CNTN5: variants seen among roughly 807,000 people sequenced by gnomAD.
CNTN5 encodes the protein contactin 5.
A neutral mutation model predicts 129.1 loss-of-function variants in CNTN5; 77 were observed. That is an observed-to-expected ratio of 0.60 (90% CI 0.50 to 0.72). The LOEUF (loss-of-function observed/expected upper bound fraction) is 0.72. Among genes scored for constraint, CNTN5 ranks in the 30% least tolerant of loss-of-function variants. The pLI, the probability that CNTN5 is intolerant of heterozygous loss-of-function variation, is 0.00. For missense variants in CNTN5, 1,478 were observed against 1,328.8 expected, an observed-to-expected ratio of 1.11 and a Z score of -1.75; for synonymous variants, 509 against 465.6, an observed-to-expected ratio of 1.09 and a Z score of -1.20.
At chr11:100,061,173 T>C in intron 9 of CNTN5, 39 bp from the exon 10 acceptor site, 1 of 1,497,952 alleles carries the variant, frequency 6.7e-7, no homozygotes. Context: ...TTCCTAACAG[T>C]GGAGAGTGTA....
intron 3 of CNTN5, among the ~76,000 whole-genome samples, chr11:99,584,836 G>T (rs1015253890): frequency 6.6e-6 from 1 of 152,188 alleles, no homozygotes; most frequent in African/African-American, 2.4e-5. Context: ...TTGAAAGAAA[G>T]AACAACAGAC....
chr11:99,081,716 C>A (rs1276662246), intron 1 of CNTN5, among the ~76,000 whole-genome samples: 1 of 152,072 alleles, frequency 6.6e-6, no homozygotes, highest in African/African-American at 2.4e-5. Context: ...TACCTTCTGT[C>A]TTAAGAACAA....
chr11:99,139,556 G>A (rs4237595), intron 1 of CNTN5, among the ~76,000 whole-genome samples: 138,543 of 152,246 alleles, frequency 0.91, 63,307 homozygotes, highest in East Asian at 0.99. Flanking sequence ...TAAAGAGCAT[G>A]TTAATAGCAC....
chr11:99,693,603 C>CAATAGAGG (rs1348700068), intron 3 of CNTN5, among the ~76,000 whole-genome samples: 5 of 151,686 alleles, frequency 3.3e-5, no homozygotes, highest in Admixed American at 3.3e-4. Context: ...AGAGCTGGGA[C>CAATAGAGG]AATAGAGGAT....
intron 10 of CNTN5, 145 bp from the exon 11 acceptor site, chr11:100,070,279 A>C (rs1025801029): frequency 1.5e-6 from 1 of 663,940 alleles, no homozygotes; most frequent in Non-Finnish European, 2.4e-6. Context: ...TTTTGTGTGT[A>C]ACGCAATGCT....
At chr11:100,277,999 T>A (rs1950552169) in intron 18 of CNTN5, among the ~76,000 whole-genome samples, 1 of 152,070 alleles carries the variant, frequency 6.6e-6, no homozygotes, top group South Asian at 2.1e-4. Flanking sequence ...TGGCAAGGTA[T>A]AAGAGTCTAG....
chr11:99,254,588 C>A (rs1862282081), intron 1 of CNTN5, among the ~76,000 whole-genome samples: 2 of 151,736 alleles, frequency 1.3e-5, no homozygotes. Flanking sequence ...TATATTTGTC[C>A]CAGATTCCTT....
chr11:100,037,892 A>T (rs1942119689), intron 9 of CNTN5, among the ~76,000 whole-genome samples: 1 of 151,568 alleles, frequency 6.6e-6, no homozygotes, highest in Admixed American at 6.6e-5. Flanking sequence ...GCGGTCTATC[A>T]ATTTTGTTGA....
intron 9 of CNTN5, among the ~76,000 whole-genome samples, chr11:100,045,666 C>T (rs1353306976): frequency 1.3e-5 from 2 of 149,716 alleles, no homozygotes; most frequent in African/African-American, 2.5e-5. Flanking sequence ...AACCAGTGGT[C>T]GGTGGGAAAA....
intron 1 of CNTN5, among the ~76,000 whole-genome samples, chr11:99,156,353 A>G (rs1293791332): frequency 6.6e-6 from 1 of 152,062 alleles, no homozygotes; most frequent in Non-Finnish European, 1.5e-5. Flanking sequence ...AATTAAAACA[A>G]TAATTGGATT....
intron 3 of CNTN5, among the ~76,000 whole-genome samples, chr11:99,711,939 CAT>C (rs1269106009): frequency 2.0e-5 from 3 of 152,138 alleles, no homozygotes; most frequent in Non-Finnish European, 2.9e-5. Context: ...CTGCAGTAAA[CAT>C]ATGTGTGCAT....
At chr11:99,550,029 G>T (rs1373354057) in intron 2 of CNTN5, among the ~76,000 whole-genome samples, 1 of 151,880 alleles carries the variant, frequency 6.6e-6, no homozygotes, top group Non-Finnish European at 1.5e-5. Context: ...GTTTTGTTGA[G>T]GCTTAAAAAA....
chr11:99,755,567 A>T (rs1470886763), intron 3 of CNTN5, among the ~76,000 whole-genome samples: 2 of 150,898 alleles, frequency 1.3e-5, no homozygotes, highest in Admixed American at 1.3e-4. Flanking sequence ...TTTAATTGGG[A>T]TTTTTTTTAT....
intron 3 of CNTN5, among the ~76,000 whole-genome samples, chr11:99,577,732 A>G (rs959285429): frequency 1.3e-5 from 2 of 152,116 alleles, no homozygotes; most frequent in African/African-American, 4.8e-5. Flanking sequence ...AAGTTTGGAC[A>G]GTTCTTTAGT....
intron 3 of CNTN5, among the ~76,000 whole-genome samples, chr11:99,696,603 A>T (rs1199569700): frequency 6.6e-6 from 1 of 151,958 alleles, no homozygotes; most frequent in African/African-American, 2.4e-5. Flanking sequence ...GACTAGTAGT[A>T]CAAGTACCAT....
At chr11:99,246,641 A>G (rs1490946321) in intron 1 of CNTN5, among the ~76,000 whole-genome samples, 1 of 152,146 alleles carries the variant, frequency 6.6e-6, no homozygotes, top group East Asian at 1.9e-4. Context: ...CTCGAGTGTG[A>G]AATCACTGTA....
intron 21 of CNTN5, chr11:100,309,485 T>C (rs1156341663): frequency 3.1e-6 from 3 of 967,342 alleles, no homozygotes; most frequent in African/African-American, 3.5e-5. Context: ...TACCTACTTA[T>C]ACAATATCAT....
chr11:100,042,523 G>T (rs920186294), intron 9 of CNTN5, among the ~76,000 whole-genome samples: 1 of 152,170 alleles, frequency 6.6e-6, no homozygotes, highest in Non-Finnish European at 1.5e-5. Context: ...GTGATTTGCA[G>T]TTGGGGAGTA....
chr11:99,860,093 T>G (rs886085575), intron 6 of CNTN5, among the ~76,000 whole-genome samples: 7 of 152,162 alleles, frequency 4.6e-5, no homozygotes, highest in South Asian at 2.1e-4. Context: ...CTCTGATGAT[T>G]AGTGATGTGG....
Sources: allele counts gnomAD v4.1 joint callset (sites outside exome capture counted in the v4.1 genomes callset), GRCh38; gene constraint gnomAD v4.1.1; transcripts MANE v1.5; gene names NCBI Gene and HGNC (gene_info 2026-07-23, HGNC 2026-07-21).